EIF4G3: variants seen among roughly 807,000 people sequenced by gnomAD.
The protein encoded by EIF4G3 is eIF-4-gamma 3.
EIF4G3 carries 34 observed loss-of-function variants against 186.4 expected under a neutral mutation model. The ratio of observed to expected loss-of-function variants is 0.18; its 90% CI spans 0.14 to 0.24. The LOEUF is 0.24. Ranked by LOEUF, EIF4G3 falls within the 10% of genes least tolerant of loss-of-function variation. EIF4G3 has a pLI of 1.00. For synonymous variants in EIF4G3, 673 were observed against 679.5 expected, an observed-to-expected ratio of 0.99 and a Z score of 0.15; for missense variants, 1,536 against 1,948.5, an observed-to-expected ratio of 0.79 and a Z score of 3.99.
chr1:21,002,873 A>C, intron 4 of EIF4G3, 65 bp from the exon 5 acceptor site: 1 of 935,372 alleles, frequency 1.1e-6, no homozygotes. Context: ...TTCTAGTTCA[A>C]GATGTTTTAT....
intron 4 of EIF4G3, among the ~76,000 whole-genome samples, chr1:21,024,327 C>A (rs1385871263): frequency 6.6e-6 from 1 of 152,154 alleles, no homozygotes; most frequent in Admixed American, 6.5e-5. Flanking sequence ...GCCAGCCGCC[C>A]CGACCGTGAG....
At chr1:21,143,244 G>A (rs946456876) in intron 2 of EIF4G3, among the ~76,000 whole-genome samples, 10 of 150,970 alleles carry the variant, frequency 6.6e-5, no homozygotes, top group South Asian at 6.3e-4. Flanking sequence ...GTGAGAATTC[G>A]TCAAGAAAGA....
intron 3 of EIF4G3, among the ~76,000 whole-genome samples, chr1:21,056,995 T>C (rs1490329673): frequency 1.3e-5 from 2 of 152,228 alleles, no homozygotes; most frequent in Non-Finnish European, 2.9e-5. Context: ...TTTTTGCTTC[T>C]TACAGATATT....
chr1:20,921,744 G>A (rs566652955), intron 14 of EIF4G3, among the ~76,000 whole-genome samples: 1 of 152,324 alleles, frequency 6.6e-6, no homozygotes, highest in East Asian at 1.9e-4. Context: ...TTAGCTAAAT[G>A]TTTGGACTCT....
intron 33 of EIF4G3, among the ~76,000 whole-genome samples, chr1:20,821,133 T>G (rs1241160729): frequency 2.0e-5 from 3 of 152,224 alleles, no homozygotes; most frequent in African/African-American, 7.2e-5. Flanking sequence ...TTAACACTAC[T>G]GCTTAAATAC....
chr1:20,941,478 C>T lies in EIF4G3; in HGVS notation c.1663+13G>A, dbSNP rs2095711743. On this transcript the variant is annotated intron_variant, in intron 14 of 36. Coordinates refer to ENST00000602326, the MANE Select transcript of EIF4G3 (RefSeq NM_001391906.1). ...TGTTCAGCAAGCACGAGATTAATGGCAGAATGGCTTACCTGGGACAGGGCT... is the reference window on the plus strand; with the variant it reads ...TGTTCAGCAAGCACGAGATTAATGGTAGAATGGCTTACCTGGGACAGGGCT... The T allele has an allele frequency of 1.9e-6, 3 of 1,604,944 alleles. No homozygotes were observed. In the East Asian group the frequency reaches 6.7e-5, roughly 36 times the overall value.
rs563518886 is a variant in EIF4G3, at chr1:21,152,250, T to C, written c.-272+23925A>G. On this transcript the variant is annotated intron_variant, in intron 2 of 36. Coordinates refer to ENST00000602326, the MANE Select transcript of EIF4G3 (RefSeq NM_001391906.1). Reference sequence around the variant, plus strand: ...ACTTTGGGAGGCAAAGGCAGGTGGATTGCTTGAGCCTGGAAGGTCAGTGCT... The same window carrying C: ...ACTTTGGGAGGCAAAGGCAGGTGGACTGCTTGAGCCTGGAAGGTCAGTGCT... Among the ~76,000 whole-genome samples, 56 of 147,358 alleles carry C rather than the reference T, an allele frequency of 3.8e-4. 1 individual carries two copies. Among genetic ancestry groups the C allele is most frequent in the African/African-American group, 8.5e-4 (34 of 39,908 alleles).
At chr1:20,948,959 A>T (rs2096084444) in intron 13 of EIF4G3, among the ~76,000 whole-genome samples, 1 of 147,692 alleles carries the variant, frequency 6.8e-6, no homozygotes, top group African/African-American at 2.5e-5. Context: ...CAGTGAGTCA[A>T]GACTCTGTCT....
chr1:20,885,002 T>A (rs2083638009), intron 19 of EIF4G3, among the ~76,000 whole-genome samples: 1 of 152,184 alleles, frequency 6.6e-6, no homozygotes, highest in Admixed American at 6.5e-5. Context: ...AGTTAGATTC[T>A]CATAAGGAGC....
chr1:20,852,115 C>T (rs12750043), intron 27 of EIF4G3, among the ~76,000 whole-genome samples: 1 of 152,126 alleles, frequency 6.6e-6, no homozygotes, highest in Non-Finnish European at 1.5e-5. Flanking sequence ...GGCGTAATCT[C>T]GGCTCACTGC....
At chr1:21,151,120 T>A (rs2097541571) in intron 2 of EIF4G3, among the ~76,000 whole-genome samples, 1 of 152,132 alleles carries the variant, frequency 6.6e-6, no homozygotes, top group Admixed American at 6.5e-5. Context: ...ATGTATTTTT[T>A]AAATAAAATT....
intron 20 of EIF4G3, among the ~76,000 whole-genome samples, chr1:20,878,459 A>C (rs1339010553): frequency 6.6e-6 from 1 of 152,158 alleles, no homozygotes; most frequent in Non-Finnish European, 1.5e-5. Context: ...TCTTGGAAAT[A>C]CTTATTTTCA....
intron 28 of EIF4G3, 46 bp downstream of exon 28, chr1:20,851,212 C>T: frequency 1.3e-6 from 2 of 1,575,106 alleles, no homozygotes; most frequent in Admixed American, 1.8e-5. Context: ...TTTTTCCTTC[C>T]AAATTTAAAA....
chr1:21,054,669 A>T (rs896059649), intron 3 of EIF4G3, among the ~76,000 whole-genome samples: 2 of 152,018 alleles, frequency 1.3e-5, no homozygotes, highest in Non-Finnish European at 2.9e-5. Flanking sequence ...AAAGTTAAAA[A>T]CTCTGCTCAG....
intron 11 of EIF4G3, among the ~76,000 whole-genome samples, chr1:20,972,083 C>T (rs780751709): frequency 6.6e-6 from 1 of 152,132 alleles, no homozygotes; most frequent in Non-Finnish European, 1.5e-5. Context: ...TTGCAAGCCA[C>T]TCTTCTACAA....
At chr1:20,974,558 T>C (rs935780481) in intron 10 of EIF4G3, among the ~76,000 whole-genome samples, 2 of 152,140 alleles carry the variant, frequency 1.3e-5, no homozygotes, top group African/African-American at 4.8e-5. Context: ...GTGGGTTCAA[T>C]AGTGAAAGAG....
At chr1:20,843,112 T>G (rs554725525) in intron 29 of EIF4G3, among the ~76,000 whole-genome samples, 142 of 152,144 alleles carry the variant, frequency 9.3e-4, no homozygotes, top group African/African-American at 3.3e-3. Flanking sequence ...GTGCTGGGAT[T>G]ACAGGTGTGA....
chr1:21,142,789 A>G (rs186303435), intron 2 of EIF4G3, among the ~76,000 whole-genome samples: 16 of 152,358 alleles, frequency 1.1e-4, no homozygotes, highest in Admixed American at 3.3e-4. Flanking sequence ...TGTTGAGTGC[A>G]GCATGGTTCA....
At chr1:20,879,640 T>C (rs528391137) in intron 19 of EIF4G3, 120 bp from the exon 20 acceptor site, 122 of 549,220 alleles carry the variant, frequency 2.2e-4, no homozygotes, top group Non-Finnish European at 3.2e-4. Flanking sequence ...TAACAAGGAC[T>C]GTGAACTAGT....
Sources: gnomAD v4.1 joint callset for allele counts (sites outside exome capture counted in the v4.1 genomes callset) on GRCh38, gnomAD v4.1.1 for gene constraint, MANE v1.5 for transcripts, NCBI Gene and HGNC (gene_info 2026-07-23, HGNC 2026-07-21) for gene names.